PLEKHA7: variants seen among roughly 807,000 people sequenced by gnomAD.
PLEKHA7 encodes the protein pleckstrin homology domain-containing family A member 7.
A neutral mutation model predicts 170.0 loss-of-function variants in PLEKHA7; 104 were observed. The observed-to-expected ratio is 0.61, with a 90% CI of 0.52 to 0.72. PLEKHA7 has a LOEUF of 0.72. PLEKHA7 is among the 30% of genes least tolerant of loss of function. The pLI is 0.00. For synonymous variants in PLEKHA7, 648 were observed against 660.8 expected, an observed-to-expected ratio of 0.98 and a Z score of 0.30; for missense variants, 1,615 against 1,671.7, an observed-to-expected ratio of 0.97 and a Z score of 0.59.
rs532713201 is a variant in PLEKHA7 at position 16,982,361 on chromosome 11, C to T, written c.221+31628G>A. 1.0e-3 allele frequency among the ~76,000 whole-genome samples: 158 copies of T among 152,350 alleles called. 3 individuals are homozygous for T. Among genetic ancestry groups the T allele is most frequent in the South Asian group, 7.9e-3 (38 of 4,828 alleles). ...AGGCAAGCTTGAGGCGAGCCAGTTG[C>T]CCCTGGCTACAGCACCTGGCCCCCA... is the stretch of plus-strand genomic sequence containing the variant. On this transcript the variant is annotated intron_variant, in intron 3 of 26. Coordinates refer to ENST00000531066, the MANE Select transcript of PLEKHA7 (RefSeq NM_001329630.2).
rs2134198877 is a variant in PLEKHA7 at position 16,789,443 on chromosome 11, T to C, written c.3157-147A>G. ...GCTCCTCTTGGCCTTAGAGAACTATTTCCTCTAAGCAACACGATGCCCCCA... is the reference window on the plus strand; with the variant it reads ...GCTCCTCTTGGCCTTAGAGAACTATCTCCTCTAAGCAACACGATGCCCCCA... On this transcript the variant is annotated intron_variant, in intron 22 of 26. Transcript: ENST00000531066. The surrounding 1 kb of genome is among the most constrained non-coding windows in gnomAD (Gnocchi z 4.6). The C allele has an allele frequency of 1.3e-6, 1 of 746,968 alleles. No homozygotes were observed. Among genetic ancestry groups the C allele is most frequent in the South Asian group, 1.7e-5 (1 of 57,160 alleles). The allele number at this position is 746,968 out of a possible 1,614,324, so 46.3% of individuals were successfully genotyped here.
At chr11:16,871,714 G>A (rs887093272) in intron 3 of PLEKHA7, among the ~76,000 whole-genome samples, 4 of 152,064 alleles carry the variant, frequency 2.6e-5, no homozygotes, top group African/African-American at 7.2e-5. Context: ...TCTGCAACAC[G>A]ACCTGCACAA....
intron 10 of PLEKHA7, 90 bp downstream of exon 10, chr11:16,826,030 C>T: frequency 7.6e-7 from 1 of 1,324,402 alleles, no homozygotes; most frequent in Middle Eastern, 1.9e-4. Context: ...TTTAAGGCTG[C>T]CCTTACGCAG....
chr11:16,817,448 G>T lies in PLEKHA7; in HGVS notation c.1344-126C>A. On this transcript the variant is annotated intron_variant, in intron 10 of 26. Transcript: ENST00000531066. This position sits in a 1 kb window ranked among gnomAD's most constrained non-coding sequence, Gnocchi z 4.4. Reference sequence around the variant, plus strand: ...AGTCCTGTAAGAACCTCAAAAGAATGATCAAGGCCGACATCCAGGACTTCA... The same window carrying T: ...AGTCCTGTAAGAACCTCAAAAGAATTATCAAGGCCGACATCCAGGACTTCA... The T allele has an allele frequency of 2.1e-6, 2 of 931,046 alleles. No homozygotes were observed. Among genetic ancestry groups the T allele is most frequent in the Non-Finnish European group, 3.1e-6 (2 of 653,600 alleles). 57.7% of individuals were successfully genotyped at this position (931,046 alleles called of 1,614,324 possible). A position where few individuals can be genotyped will look rare whatever the true frequency, so the allele number is the denominator to read the frequency against.
intron 3 of PLEKHA7, among the ~76,000 whole-genome samples, chr11:16,884,691 C>CA (rs538451727): frequency 4.7e-4 from 71 of 150,152 alleles, no homozygotes; most frequent in South Asian, 1.9e-3. Context: ...TGTTAGAAAA[C>CA]AAAAAAAAAC....
At chr11:16,869,405 T>A (rs1355638932) in intron 4 of PLEKHA7, among the ~76,000 whole-genome samples, 1 of 152,250 alleles carries the variant, frequency 6.6e-6, no homozygotes, top group Non-Finnish European at 1.5e-5. Flanking sequence ...TTGGCTCTCC[T>A]AAGCTGTGTG....
chr11:16,838,279 AGGAGGATT>A (rs1851675803), intron 9 of PLEKHA7, among the ~76,000 whole-genome samples: 1 of 152,114 alleles, frequency 6.6e-6, no homozygotes, highest in African/African-American at 2.4e-5. Flanking sequence ...AGGCTGAGCT[AGGAGGATT>A]GCTTGAGGCA....
At chr11:16,916,564 C>A (rs1858698182) in intron 3 of PLEKHA7, among the ~76,000 whole-genome samples, 1 of 152,170 alleles carries the variant, frequency 6.6e-6, no homozygotes, top group Middle Eastern at 3.2e-3. Context: ...TGTAAAAAAG[C>A]CACGGCAGTG....
intron 25 of PLEKHA7, among the ~76,000 whole-genome samples, chr11:16,783,261 C>T (rs538913438): frequency 2.6e-5 from 4 of 152,220 alleles, no homozygotes; most frequent in Non-Finnish European, 5.9e-5. Flanking sequence ...GGCCAGCATC[C>T]AGGGGAGTGG....
intron 8 of PLEKHA7, chr11:16,842,507 G>A (rs1430401162): frequency 1.3e-5 from 2 of 151,364 alleles, no homozygotes; most frequent in Non-Finnish European, 2.9e-5. Flanking sequence ...CACTACAGAG[G>A]TGGACAGAGT....
chr11:16,782,771 C>T lies in PLEKHA7; in HGVS notation c.3776G>A (p.Arg1259His), dbSNP rs765498803. Residue 1259 changes from arginine (R) to histidine (H), a missense_variant, in exon 26 of 27, where the codon CGT (arginine) becomes CAT (histidine). By Grantham distance (29) the Arg-to-His change is conservative. Coordinates refer to ENST00000531066, the MANE Select transcript of PLEKHA7 (RefSeq NM_001329630.2). ...GGCCTTACCTGCCACCTGCTTGCTACGCTGGGAGGCCTCGGAGGCCAGGGC... is the reference window on the plus strand; with the variant it reads ...GGCCTTACCTGCCACCTGCTTGCTATGCTGGGAGGCCTCGGAGGCCAGGGC... ...SYALASEASQRSKQVAAQAVT... is the reference protein window; with the variant it reads ...SYALASEASQHSKQVAAQAVT... 6.1e-5 allele frequency: 93 copies of T among 1,536,114 alleles called. No individual in the cohort carries two copies. The South Asian group carries it at 7.4e-4, about 12-fold the overall frequency.
chr11:16,834,111 A>G (rs1338239274), intron 9 of PLEKHA7, among the ~76,000 whole-genome samples: 1 of 152,140 alleles, frequency 6.6e-6, no homozygotes, highest in East Asian at 1.9e-4. Context: ...CCCGGGTTCA[A>G]GCGGTTCTCC....
At chr11:16,991,826 G>A (rs1465016116) in intron 3 of PLEKHA7, among the ~76,000 whole-genome samples, 1 of 152,186 alleles carries the variant, frequency 6.6e-6, no homozygotes, top group Non-Finnish European at 1.5e-5. Flanking sequence ...ACTAGCAGAC[G>A]GGGAGAGAAG....
At chr11:16,790,484 G>C (rs1032621655) in intron 21 of PLEKHA7, 21 of 263,712 alleles carry the variant, frequency 8.0e-5, no homozygotes, top group Non-Finnish European at 1.2e-4. Context: ...CTCTAAAATG[G>C]GGATGACAGT....
intron 3 of PLEKHA7, among the ~76,000 whole-genome samples, chr11:16,941,235 C>T (rs573227313): frequency 1.3e-5 from 2 of 152,284 alleles, no homozygotes; most frequent in South Asian, 2.1e-4. Flanking sequence ...TCCATAATCT[C>T]AGAGCTGGAA....
At chr11:16,918,724 C>T (rs183729081) in intron 3 of PLEKHA7, among the ~76,000 whole-genome samples, 25 of 152,224 alleles carry the variant, frequency 1.6e-4, no homozygotes, top group Admixed American at 5.9e-4. Flanking sequence ...TTGCTCACAC[C>T]GCCTCTGTAA....
chr11:16,824,597 G>A (rs77122462), intron 10 of PLEKHA7, among the ~76,000 whole-genome samples: 1,590 of 152,230 alleles, frequency 0.01, 19 homozygotes, highest in African/African-American at 0.033. Context: ...TACGAGTGTC[G>A]CTGTTTCAAC....
Position 16,794,917 on chromosome 11 carries a change from T to A in PLEKHA7, c.2511A>T (p.Lys837Asn). The change falls in exon 18 of 27, where the codon AAA becomes AAT. Residue 837 changes from lysine (K) to asparagine (N), a missense_variant. Coordinates refer to ENST00000531066, the MANE Select transcript of PLEKHA7 (RefSeq NM_001329630.2). Reference sequence around the variant, plus strand: ...GGAAGATGAACATCTCACCCGGATTTTTTACTGACTCCACTAGAATTCTGA... The same window carrying A: ...GGAAGATGAACATCTCACCCGGATTATTTACTGACTCCACTAGAATTCTGA... ...ENFRILVESV[K>N]NPERKTVPLF... is the part of the protein sequence containing the mutation. 6.2e-7 allele frequency: 1 copy of A among 1,611,008 alleles called. No individual in the cohort carries two copies. The highest frequency in any genetic ancestry group is 8.5e-7 in the Non-Finnish European group (1 of 1,177,322).
At chr11:16,902,856 C>A (rs752196155) in intron 3 of PLEKHA7, among the ~76,000 whole-genome samples, 1 of 152,192 alleles carries the variant, frequency 6.6e-6, no homozygotes, top group Non-Finnish European at 1.5e-5. Flanking sequence ...GCTGGGCACA[C>A]AATAAACAGT....
Sources: allele counts gnomAD v4.1 joint callset (sites outside exome capture counted in the v4.1 genomes callset), GRCh38; gene constraint gnomAD v4.1.1; non-coding constraint Gnocchi (gnomAD v3.1); transcripts MANE v1.5; gene names NCBI Gene and HGNC (gene_info 2026-07-23, HGNC 2026-07-21).